The following KCNIP4 variants were observed in gnomAD, a reference collection of about 807,000 sequenced individuals.
KCNIP4 encodes the protein potassium voltage-gated channel interacting protein 4.
In KCNIP4, 12 loss-of-function variants were observed where a neutral mutation model predicts 34.0. That is an observed-to-expected ratio of 0.35 (90% CI 0.23 to 0.57). The LOEUF is 0.57. Among genes scored for constraint, KCNIP4 ranks in the 20% least tolerant of loss-of-function variants. KCNIP4 has a pLI of 0.83. For missense variants in KCNIP4, 238 were observed against 311.7 expected (o/e 0.76, Z 1.78); for synonymous variants, 124 against 102.2 (o/e 1.21, Z -1.29).
At chr4:20,999,418 TTTTTTTTTGTTTG>T (rs1737870749) in intron 1 of KCNIP4, among the ~76,000 whole-genome samples, 1 of 116,968 alleles carries the variant, frequency 8.5e-6, no homozygotes, top group African/African-American at 3.8e-5. Flanking sequence ...GGTGGTGTTT[TTTTTTTTTGTTTG>T]TTTTTTGTTT....
At chr4:21,816,296 A>G (rs1427976416) in intron 1 of KCNIP4, among the ~76,000 whole-genome samples, 1 of 152,212 alleles carries the variant, frequency 6.6e-6, no homozygotes, top group Admixed American at 6.5e-5. Context: ...ATAGGATTAA[A>G]CATAACTCTG....
intron 3 of KCNIP4, among the ~76,000 whole-genome samples, chr4:20,835,158 G>A (rs1484397842): frequency 6.6e-6 from 1 of 152,064 alleles, no homozygotes; most frequent in African/African-American, 2.4e-5. Flanking sequence ...TTTTTTGAAG[G>A]ACTATTGTCT....
At chr4:21,574,817 G>A (rs1295584721) in intron 1 of KCNIP4, among the ~76,000 whole-genome samples, 5 of 152,086 alleles carry the variant, frequency 3.3e-5, no homozygotes, top group Admixed American at 1.3e-4. Context: ...TTGTTCTCAA[G>A]TTTGCCTTAT....
chr4:20,863,934 G>T (rs902250567), intron 2 of KCNIP4, among the ~76,000 whole-genome samples: 7 of 151,296 alleles, frequency 4.6e-5, no homozygotes, highest in Non-Finnish European at 7.4e-5. Flanking sequence ...TCTTTCATGA[G>T]TGTATATGTA....
At chr4:21,513,854 C>A (rs1409948849) in intron 1 of KCNIP4, among the ~76,000 whole-genome samples, 3 of 152,198 alleles carry the variant, frequency 2.0e-5, no homozygotes, top group Non-Finnish European at 4.4e-5. Flanking sequence ...ATTTAGTCCA[C>A]TCTGTTGGGT....
chr4:21,362,587 G>C (rs892529019), intron 1 of KCNIP4, among the ~76,000 whole-genome samples: 27 of 151,980 alleles, frequency 1.8e-4, no homozygotes, highest in East Asian at 9.7e-4. Context: ...CTTCCTCTTG[G>C]GGTTGAGATA....
intron 1 of KCNIP4, among the ~76,000 whole-genome samples, chr4:21,512,760 A>G (rs1460827711): frequency 9.2e-5 from 14 of 152,324 alleles, no homozygotes; most frequent in Non-Finnish European, 2.9e-5. Context: ...GCAGCATTTA[A>G]TAGGTAAAAT....
intron 1 of KCNIP4, among the ~76,000 whole-genome samples, chr4:21,120,372 C>A (rs1750049193): frequency 6.6e-6 from 1 of 152,134 alleles, no homozygotes; most frequent in South Asian, 2.1e-4. Context: ...GGTCTGTCTT[C>A]TCCCCGTGTC....
chr4:21,763,931 T>C (rs1358190840), intron 1 of KCNIP4, among the ~76,000 whole-genome samples: 2 of 152,056 alleles, frequency 1.3e-5, no homozygotes, highest in African/African-American at 4.8e-5. Flanking sequence ...CCTGGGAGTT[T>C]TAATAGGTTT....
At chr4:20,825,937 T>C (rs1401890874) in intron 3 of KCNIP4, among the ~76,000 whole-genome samples, 1 of 152,034 alleles carries the variant, frequency 6.6e-6, no homozygotes, top group Non-Finnish European at 1.5e-5. Context: ...TATTTTATGT[T>C]GTGAAATGTC....
chr4:21,730,851 G>A (rs144046834), intron 1 of KCNIP4, among the ~76,000 whole-genome samples: 4,551 of 152,086 alleles, frequency 0.03, 210 homozygotes, highest in African/African-American at 0.1. Flanking sequence ...AGTGGCTCAC[G>A]CCTGTAATTC....
At chr4:20,938,202 T>G (rs1034295537) in intron 1 of KCNIP4, among the ~76,000 whole-genome samples, 1 of 150,666 alleles carries the variant, frequency 6.6e-6, no homozygotes, top group Non-Finnish European at 1.5e-5. Context: ...TTTGCTAGTT[T>G]TTTTTTTTTT....
intron 1 of KCNIP4, among the ~76,000 whole-genome samples, chr4:21,516,304 T>C (rs1399273770): frequency 1.3e-5 from 2 of 152,164 alleles, no homozygotes; most frequent in Admixed American, 6.5e-5. Flanking sequence ...GTTGAGTCAA[T>C]GTACAAAGTA....
At chr4:21,316,030 C>T (rs1457311959) in intron 1 of KCNIP4, among the ~76,000 whole-genome samples, 1 of 152,172 alleles carries the variant, frequency 6.6e-6, no homozygotes, top group Non-Finnish European at 1.5e-5. Flanking sequence ...GTGATTCCTC[C>T]AACTGCTTCC....
intron 1 of KCNIP4, among the ~76,000 whole-genome samples, chr4:21,512,087 AGG>A (rs1734369301): frequency 7.0e-6 from 1 of 141,900 alleles, no homozygotes; most frequent in Non-Finnish European, 1.5e-5. Context: ...GAAGGAAGGA[AGG>A]AGGGAGGGAG....
intron 1 of KCNIP4, among the ~76,000 whole-genome samples, chr4:20,954,625 T>G (rs1733112609): frequency 6.6e-6 from 1 of 152,312 alleles, no homozygotes; most frequent in South Asian, 2.1e-4. Context: ...CAACTGATTA[T>G]AGAATACATG....
chr4:21,007,384 T>C (rs1738662931), intron 1 of KCNIP4, among the ~76,000 whole-genome samples: 1 of 152,216 alleles, frequency 6.6e-6, no homozygotes, highest in African/African-American at 2.4e-5. Context: ...TTAGAAAAAC[T>C]CATTTTTTAA....
At chr4:20,941,575 G>A (rs779422646) in intron 1 of KCNIP4, among the ~76,000 whole-genome samples, 36 of 147,918 alleles carry the variant, frequency 2.4e-4, no homozygotes, top group Middle Eastern at 7.1e-3. Context: ...TTAATTTTTC[G>A]AGGCTTATGA....
intron 1 of KCNIP4, among the ~76,000 whole-genome samples, chr4:20,995,219 A>AT (rs1309598182): frequency 2.0e-5 from 3 of 151,838 alleles, no homozygotes; most frequent in Non-Finnish European, 4.4e-5. Context: ...CCAATTTTAG[A>AT]TTTTTTTTCT....
Sources: allele counts gnomAD v4.1 joint callset (sites outside exome capture counted in the v4.1 genomes callset), GRCh38; gene constraint gnomAD v4.1.1; transcripts MANE v1.5; gene names NCBI Gene and HGNC (gene_info 2026-07-23, HGNC 2026-07-21).